Variants in TMEM273 observed in about 807,000 individuals in gnomAD.
TMEM273 encodes the protein chromosome 10 open reading frame 128.
TMEM273 carries 19 observed loss-of-function variants against 17.9 expected under a neutral mutation model. That is an observed-to-expected ratio of 1.06 (90% confidence interval 0.74 to 1.55). TMEM273 has a LOEUF of 1.55. TMEM273 is among the 40% of genes most tolerant of loss of function. The probability of loss-of-function intolerance (pLI) is 0.00; values close to 1 mark genes in which losing one functional copy is unlikely to be tolerated. For synonymous variants in TMEM273, 66 were observed against 62.0 expected, an observed-to-expected ratio of 1.07 and a Z score of -0.31; for missense variants, 194 against 155.6, an observed-to-expected ratio of 1.25 and a Z score of -1.31.
intron 1 of TMEM273, among the ~76,000 whole-genome samples, chr10:49,176,859 T>A (rs757830875): frequency 3.3e-5 from 5 of 152,250 alleles, no homozygotes; most frequent in Non-Finnish European, 5.9e-5. Flanking sequence ...ATCTCCACTC[T>A]AGTTAGCTTT....
intron 2 of TMEM273, 25 bp downstream of exon 2, chr10:49,167,883 AC>A: frequency 6.2e-7 from 1 of 1,613,476 alleles, no homozygotes; most frequent in Non-Finnish European, 8.5e-7. Flanking sequence ...GACCCTGTGC[AC>A]AGAATAACAT....
chr10:49,180,546 T>C lies in TMEM273; in HGVS notation c.43+7748A>G, dbSNP rs138285863. Among the ~76,000 whole-genome samples, 1,118 of 152,282 alleles carry C rather than the reference T, an allele frequency of 7.3e-3. 22 individuals carry two copies. In the South Asian group the frequency reaches 0.089, roughly 12 times the overall value. On this transcript the variant is annotated intron_variant, in intron 1 of 6. Coordinates refer to ENST00000374153, the MANE Select transcript of TMEM273 (RefSeq NM_001288740.3). ...TGATATCTGAGGAGGCCTGTTAAAA[T>C]TGAAGACGTCAATAAGATTCAGAGT...
At chr10:49,163,700 G>T (rs543372470) in intron 5 of TMEM273, among the ~76,000 whole-genome samples, 1 of 152,218 alleles carries the variant, frequency 6.6e-6, no homozygotes, top group Non-Finnish European at 1.5e-5. Context: ...GGAGGGGACA[G>T]AGAGAAGGAG....
chr10:49,185,623 C>A (rs1847617472), intron 1 of TMEM273, among the ~76,000 whole-genome samples: 1 of 152,178 alleles, frequency 6.6e-6, no homozygotes, highest in South Asian at 2.1e-4. Context: ...ACAACATATA[C>A]AATCATTATG....
chr10:49,161,425 T>A, intron 6 of TMEM273, 174 bp downstream of exon 6: 3 of 718,784 alleles, frequency 4.2e-6, no homozygotes, highest in South Asian at 1.7e-5. Context: ...TGTCCCAAGG[T>A]GATGCTGATT....
chr10:49,165,647 GTC>G, intron 4 of TMEM273, 117 bp downstream of exon 4: 2 of 1,440,974 alleles, frequency 1.4e-6, no homozygotes. Context: ...GTGCATTCTA[GTC>G]ACCTAGAAAG....
chr10:49,167,113 T>A, intron 2 of TMEM273, 104 bp from the exon 3 acceptor site: 2 of 1,475,860 alleles, frequency 1.4e-6, no homozygotes, highest in Non-Finnish European at 1.8e-6. Context: ...ACACACCACC[T>A]CCCACTGGCT....
Position 49,167,933 on chromosome 10 carries a change from C to T in TMEM273, c.73G>A (p.Gly25Ser), listed in dbSNP as rs1164477587. Residue 25 changes from glycine to serine, a missense_variant, in exon 2 of 7, where the codon GGC becomes AGC. Physicochemically the swap from Gly to Ser is moderately conservative, Grantham distance 56. Transcript: ENST00000374153. ...CCAATTTCAGCCCCAGGGGTCTTGCCTGTTGCCAGCACTTGAGCTCCTCCT... is the reference window on the plus strand; with the variant it reads ...CCAATTTCAGCCCCAGGGGTCTTGCTTGTTGCCAGCACTTGAGCTCCTCCT... ...DVGGAQVLATGKTPGAEIDFK... is the reference protein window; with the variant it reads ...DVGGAQVLATSKTPGAEIDFK... The T allele has an allele frequency of 1.2e-6, 2 of 1,614,040 alleles. No homozygotes were observed. Among genetic ancestry groups the T allele is most frequent in the East Asian group, 2.2e-5 (1 of 44,864 alleles).
Position 49,166,889 on chromosome 10 carries a change from C to A in TMEM273, c.218G>T (p.Ser73Ile). Residue 73 changes from serine (S) to isoleucine (I), a missense_variant, in exon 3 of 7, where the codon AGC (serine) becomes ATC (isoleucine). Transcript: ENST00000374153. ...LFDDDSSDLK[S>I]TPGGLSDTIP... ...CTCACCACTGAGGCCCCCAGGCGTG[C>A]TTTTCAGGTCGGAAGAGTCGTCGTC... is the stretch of plus-strand genomic sequence containing the variant. 14 of 1,613,820 alleles carry A rather than the reference C, an allele frequency of 8.7e-6. No individual in the cohort carries two copies. Among genetic ancestry groups the A allele is most frequent in the Non-Finnish European group, 1.2e-5 (14 of 1,179,928 alleles).
intron 6 of TMEM273, chr10:49,161,274 G>C: frequency 2.8e-6 from 1 of 351,788 alleles, no homozygotes; most frequent in African/African-American, 2.1e-5. Flanking sequence ...GACTAAATTG[G>C]CTAATTATTA....
At chr10:49,181,651 C>A (rs1847346727) in intron 1 of TMEM273, among the ~76,000 whole-genome samples, 1 of 151,960 alleles carries the variant, frequency 6.6e-6, no homozygotes. Context: ...AATTAGATAT[C>A]CAAGGTTAAA....
At position 49,188,230 on chromosome 10, in the gene TMEM273, G is replaced by C. The variant is rs573402818; in HGVS notation, c.43+64C>G. ...AGGGATCAAGCCCCAGTGGGCTAAG[G>C]CTCCCCCAGTTTCCTGCCCACTGAG... On this transcript the variant is annotated intron_variant, in intron 1 of 6. Transcript: ENST00000374153. The C allele has an allele frequency of 1.2e-4, 185 of 1,577,798 alleles. 3 individuals carry two copies. In the South Asian group the frequency reaches 1.9e-3, roughly 16 times the overall value.
intron 1 of TMEM273, among the ~76,000 whole-genome samples, chr10:49,180,218 G>A (rs1188693570): frequency 1.3e-5 from 2 of 152,048 alleles, no homozygotes; most frequent in East Asian, 1.9e-4. Context: ...ACCCCACAGT[G>A]TCAGCAAGGG....
intron 1 of TMEM273, among the ~76,000 whole-genome samples, chr10:49,168,189 GCA>G (rs1179383732): frequency 6.6e-6 from 1 of 152,150 alleles, no homozygotes; most frequent in East Asian, 1.9e-4. Context: ...CAGCCGTTCA[GCA>G]CAGTTTCCAA....
chr10:49,162,325 C>T (rs1845896020), intron 5 of TMEM273, among the ~76,000 whole-genome samples: 1 of 152,102 alleles, frequency 6.6e-6, no homozygotes, highest in Admixed American at 6.5e-5. Flanking sequence ...GCAATAAATG[C>T]ACACACACAT....
intron 1 of TMEM273, among the ~76,000 whole-genome samples, chr10:49,170,792 T>C (rs1346132129): frequency 1.3e-5 from 2 of 152,138 alleles, no homozygotes; most frequent in Non-Finnish European, 2.9e-5. Flanking sequence ...TCATGAGCCC[T>C]TGGGTGAGGG....
Position 49,165,210 on chromosome 10 carries a change from A to G in TMEM273, c.343T>C (p.Phe115Leu). The G allele has an allele frequency of 6.5e-7, 1 of 1,549,844 alleles. No individual in the cohort carries two copies. Among genetic ancestry groups the G allele is most frequent in the Non-Finnish European group, 8.7e-7 (1 of 1,146,752 alleles). ...QCHHCIMEGL[F>L]KAKPQFLQKR... ...GAGTCGAGAGGGGATTGTACCTTAA[A>G]TAGGCCCTCCATGATGCAGTGGTGA... Residue 115 changes from phenylalanine (F) to leucine (L), a missense_variant, in exon 5 of 7, where the codon TTT becomes CTT. Transcript: ENST00000374153.
chr10:49,181,073 T>C (rs1590247673), intron 1 of TMEM273, among the ~76,000 whole-genome samples: 1 of 152,176 alleles, frequency 6.6e-6, no homozygotes, highest in African/African-American at 2.4e-5. Context: ...ACAATAAGAT[T>C]AACATATGCA....
At chr10:49,185,840 C>T (rs948130311) in intron 1 of TMEM273, among the ~76,000 whole-genome samples, 6 of 151,488 alleles carry the variant, frequency 4.0e-5, no homozygotes, top group African/African-American at 1.2e-4. Flanking sequence ...TAGCCAGGTG[C>T]GGGGGCATGT....
Sources: gnomAD v4.1 joint callset for allele counts (sites outside exome capture counted in the v4.1 genomes callset) on GRCh38, gnomAD v4.1.1 for gene constraint, MANE v1.5 for transcripts, NCBI Gene and HGNC (gene_info 2026-07-23, HGNC 2026-07-21) for gene names.